The following MDN1 variants were observed in gnomAD, a reference collection of about 807,000 sequenced individuals.
MDN1 encodes midasin.
A neutral mutation model predicts 669.2 loss-of-function variants in MDN1; 266 were observed. The ratio of observed to expected loss-of-function variants is 0.40; its 90% CI spans 0.36 to 0.44. MDN1 has a LOEUF of 0.44. MDN1 is among the 20% of genes least tolerant of loss of function. The pLI is 1.00. For missense variants in MDN1, 5,940 were observed against 6,754.0 expected (o/e 0.88, Z 4.22); for synonymous variants, 2,385 against 2,457.1 (o/e 0.97, Z 0.87).
chr6:89,669,877 T>C (rs997108667), intron 83 of MDN1, among the ~76,000 whole-genome samples: 11 of 151,448 alleles, frequency 7.3e-5, no homozygotes, highest in Non-Finnish European at 1.6e-4. Flanking sequence ...CAATACCGGG[T>C]ACATGGCTGA....
chr6:89,738,957 A>C (rs1281770836), intron 32 of MDN1, among the ~76,000 whole-genome samples: 1 of 152,244 alleles, frequency 6.6e-6, no homozygotes, highest in Non-Finnish European at 1.5e-5. Flanking sequence ...TAGCCACTCC[A>C]GTCTTAGGGC....
chr6:89,738,542 T>G, intron 32 of MDN1, 87 bp from the exon 33 acceptor site: 2 of 1,431,620 alleles, frequency 1.4e-6, no homozygotes, highest in Non-Finnish European at 1.9e-6. Flanking sequence ...TGTTAGCTGT[T>G]AAGTCCAGCA....
rs1315256721 is a variant in MDN1, at chr6:89,761,729, T to A, written c.2376A>T (p.Lys792Asn). 2 of 1,609,578 alleles carry A rather than the reference T, an allele frequency of 1.2e-6. No homozygotes were observed. The highest frequency in any genetic ancestry group is 1.7e-6 in the Non-Finnish European group (2 of 1,177,360). ...DSETGLLIKE[K>N]WEAFGLRLNH... ...TGAGTCTAAGACCAAATGCTTCCCA[T>A]TTCTCTTTTATGAGTAACCCTAAAA... Residue 792 changes from lysine to asparagine, a missense_variant, in exon 17 of 102, where the codon AAA (lysine) becomes AAT (asparagine). Lys to Asn is a moderately conservative substitution (Grantham distance 94). Around this residue, in one of 5 missense-constraint regions of MDN1, gnomAD observed 1,203 missense variants for 1,268.9 expected, o/e 0.95. Transcript: ENST00000369393.
intron 54 of MDN1, 105 bp downstream of exon 54, chr6:89,701,799 G>A: frequency 1.3e-6 from 2 of 1,518,958 alleles, no homozygotes; most frequent in South Asian, 1.3e-5. Context: ...AATATGCCAA[G>A]GGAATAAACC....
At chr6:89,783,981 CAA>C (rs1201572887) in intron 9 of MDN1, among the ~76,000 whole-genome samples, 26 of 102,156 alleles carry the variant, frequency 2.5e-4, no homozygotes, top group Non-Finnish European at 1.9e-4. Context: ...GACTCCATCT[CAA>C]AAAAAAAAAA....
chr6:89,729,276 C>T, intron 35 of MDN1, 137 bp from the exon 36 acceptor site: 1 of 689,010 alleles, frequency 1.5e-6, no homozygotes, highest in Non-Finnish European at 2.4e-6. Context: ...ATGTTCAATC[C>T]CTATTTCAAT....
At chr6:89,652,060 T>A (rs1021841912) in intron 95 of MDN1, 132 bp downstream of exon 95, 5 of 667,244 alleles carry the variant, frequency 7.5e-6, no homozygotes, top group Admixed American at 5.8e-5. Flanking sequence ...TTTAGGATTG[T>A]AATTATATTC....
At chr6:89,743,865 T>C (rs1054495328) in intron 29 of MDN1, 151 bp from the exon 30 acceptor site, 6 of 777,582 alleles carry the variant, frequency 7.7e-6, no homozygotes, top group East Asian at 2.5e-5. Flanking sequence ...CCCAGGCTCA[T>C]GGCACCCCTC....
intron 55 of MDN1, among the ~76,000 whole-genome samples, chr6:89,701,336 T>TAC (rs1813147561): frequency 6.6e-6 from 1 of 152,250 alleles, no homozygotes; most frequent in African/African-American, 2.4e-5. Flanking sequence ...ATAGGTTATA[T>TAC]ACACACACAA....
chr6:89,789,845 T>A lies in MDN1; in HGVS notation c.1165A>T (p.Thr389Ser), dbSNP rs777495270. The A allele has an allele frequency of 6.2e-7, 1 of 1,614,040 alleles. No homozygotes were observed. Among genetic ancestry groups the A allele is most frequent in the Non-Finnish European group, 8.5e-7 (1 of 1,179,962 alleles). ...GEFVWQPGTL[T>S]QAATMGHWIL... ...CAGTGGCCCATTGTGGCTGCCTGTG[T>A]CAGGGTGCCAGGCTGCCACACAAAC... Residue 389 changes from threonine (T) to serine (S), a missense_variant, in exon 7 of 102, where the codon ACA becomes TCA. Physicochemically the swap from Thr to Ser is moderately conservative, Grantham distance 58 (BLOSUM62 1). Transcript: ENST00000369393.
At chr6:89,699,542 A>G (rs1812995645) in intron 58 of MDN1, 59 bp downstream of exon 58, 1 of 1,535,832 alleles carries the variant, frequency 6.5e-7, no homozygotes, top group Non-Finnish European at 8.8e-7. Context: ...CCAGTCTGTC[A>G]AAGAAAATCT....
At chr6:89,650,233 A>T (rs1319755817) in intron 96 of MDN1, 35 bp from the exon 97 acceptor site, 1 of 1,587,744 alleles carries the variant, frequency 6.3e-7, no homozygotes, top group Non-Finnish European at 8.6e-7. Context: ...ATTAGTTAAC[A>T]ACTTTTAATT....
chr6:89,808,377 A>T (rs1340628506), intron 1 of MDN1, among the ~76,000 whole-genome samples: 1 of 152,130 alleles, frequency 6.6e-6, no homozygotes, highest in Non-Finnish European at 1.5e-5. Flanking sequence ...TTTTGTTAGT[A>T]TTGGTCTAGA....
chr6:89,650,149 A>G lies in MDN1; in HGVS notation c.16081T>C (p.Tyr5361His), dbSNP rs1403726540. 1 of 1,614,180 alleles carries G rather than the reference A, an allele frequency of 6.2e-7. No homozygotes were observed. Among genetic ancestry groups the G allele is most frequent in the Non-Finnish European group, 8.5e-7 (1 of 1,180,016 alleles). The change falls in exon 97 of 102, where the codon TAC becomes CAC. Residue 5361 changes from tyrosine to histidine, a missense_variant. By Grantham distance (83) the Tyr-to-His change is moderately conservative. This residue lies in a region of MDN1 where 2,280 missense variants were observed against 2,576.3 expected (regional missense o/e 0.88). Coordinates refer to ENST00000369393, the MANE Select transcript of MDN1 (RefSeq NM_014611.3). The part of the protein sequence containing the change: ...KRLNIRKVIP[Y>H]IASQFRKDKI... ...TCTTTCCGAAATTGACTAGCAATGT[A>G]TGGAATGACTTTCCGTATGTTTAGT...
intron 11 of MDN1, among the ~76,000 whole-genome samples, chr6:89,779,119 C>T (rs1818512244): frequency 6.6e-6 from 1 of 151,874 alleles, no homozygotes; most frequent in African/African-American, 2.4e-5. Flanking sequence ...ATTTGGTCTG[C>T]ATGGAATAAG....
Position 89,784,915 on chromosome 6 carries a change from G to A in MDN1, c.1449+97C>T, listed in dbSNP as rs528636677. ...ACTAGCACACAGACTGCAAAATTTA[G>A]GTTGATGAGGGTTCTGGTGGTTTAT... On this transcript the variant is annotated intron_variant, in intron 9 of 101. Transcript: ENST00000369393. 4.9e-5 allele frequency: 37 copies of A among 756,214 alleles called. No individual in the cohort carries two copies. In the East Asian group the frequency reaches 9.6e-4, roughly 20 times the overall value. 46.8% of individuals were successfully genotyped at this position (756,214 alleles called of 1,614,324 possible). A position where few individuals can be genotyped will look rare whatever the true frequency, so the allele number is the denominator to read the frequency against.
rs115772093 is a variant in MDN1, at chr6:89,785,094, G to A, written c.1367C>T (p.Pro456Leu). The A allele has an allele frequency of 3.2e-4, 516 of 1,613,840 alleles. No individual in the cohort carries two copies. The African/African-American group carries it at 3.4e-3, about 11-fold the overall frequency. The stretch of plus-strand genomic sequence containing the variant: ...TAGCAAAGTAGCATGACTGTTTAGC[G>A]GTCGATACCAATTTCCTCCACAGCT... The part of the protein sequence containing the change: ...LLSCGGNWYR[P>L]LNSHATLLDK... The change falls in exon 9 of 102, where the codon CCG (proline) becomes CTG (leucine). Residue 456 changes from proline (P) to leucine (L), a missense_variant. By Grantham distance (98) the Pro-to-Leu change is moderately conservative. Transcript: ENST00000369393.
intron 7 of MDN1, among the ~76,000 whole-genome samples, chr6:89,788,781 T>C (rs1288852270): frequency 2.0e-5 from 3 of 152,016 alleles, no homozygotes; most frequent in African/African-American, 7.2e-5. Flanking sequence ...GCAAGAGAGA[T>C]AGGTAGACAA....
chr6:89,658,656 T>C lies in MDN1; in HGVS notation c.14975A>G (p.Glu4992Gly), dbSNP rs1325639854. 1.9e-6 allele frequency: 3 copies of C among 1,613,108 alleles called. No individual in the cohort carries two copies. Among genetic ancestry groups the C allele is most frequent in the Non-Finnish European group, 2.5e-6 (3 of 1,179,174 alleles). Residue 4992 changes from glutamate (E) to glycine (G), a missense_variant, in exon 89 of 102, where the codon GAA (glutamate) becomes GGA (glycine). Glu to Gly is a moderately conservative substitution (Grantham distance 98, BLOSUM62 -2). This residue lies in a region of MDN1 where 2,280 missense variants were observed against 2,576.3 expected (regional missense o/e 0.88). Transcript: ENST00000369393. The stretch of plus-strand genomic sequence containing the variant: ...AGCAGGGCCATTCTCTCCACCTTCT[T>C]CATCGGCTTCCTTGTCTTTTTCCTC... ...SVEEKDKEAD[E>G]EGGENGPADQ...
Sources: allele counts gnomAD v4.1 joint callset (sites outside exome capture counted in the v4.1 genomes callset), GRCh38; gene constraint gnomAD v4.1.1; regional missense constraint gnomAD v4.1.1; transcripts MANE v1.5; gene names NCBI Gene and HGNC (gene_info 2026-07-23, HGNC 2026-07-21).